Variants in BMP6 observed in about 807,000 individuals in gnomAD.
BMP6 encodes VG-1-R.
Under a neutral mutation model 54.1 loss-of-function variants are expected in BMP6, and 17 were observed. The observed-to-expected ratio is 0.31, with a 90% CI of 0.22 to 0.47. The LOEUF is 0.47. Among genes scored for constraint, BMP6 ranks in the 20% least tolerant of loss-of-function variants. The pLI is 1.00. For synonymous variants in BMP6, 328 were observed against 291.2 expected (o/e 1.13, Z -1.28); for missense variants, 720 against 690.4 (o/e 1.04, Z -0.48).
At chr6:7,822,897 TTGTGTGTG>T (rs56161444) in intron 1 of BMP6, among the ~76,000 whole-genome samples, 2,169 of 121,320 alleles carry the variant, frequency 0.018, 15 homozygotes, top group Middle Eastern at 0.024. Context: ...TTGGTGCTGG[TTGTGTGTG>T]TGTGTGTGTG....
intron 1 of BMP6, among the ~76,000 whole-genome samples, chr6:7,817,721 A>C (rs1048584038): frequency 2.0e-5 from 3 of 151,932 alleles, no homozygotes; most frequent in African/African-American, 7.3e-5. Flanking sequence ...CTTAAAGTAT[A>C]ATTAAAAAAA....
At chr6:7,785,298 T>C (rs1330699789) in intron 1 of BMP6, among the ~76,000 whole-genome samples, 1 of 152,254 alleles carries the variant, frequency 6.6e-6, no homozygotes, top group South Asian at 2.1e-4. Flanking sequence ...GTAATTAATA[T>C]AGCTGGGAGT....
chr6:7,876,654 G>GA (rs1759622522), intron 4 of BMP6, among the ~76,000 whole-genome samples: 3 of 152,168 alleles, frequency 2.0e-5, no homozygotes, highest in African/African-American at 7.2e-5. Flanking sequence ...AATCTGTTAA[G>GA]TAATCTGTTT....
chr6:7,798,586 A>G (rs1028379947), intron 1 of BMP6, among the ~76,000 whole-genome samples: 1 of 152,122 alleles, frequency 6.6e-6, no homozygotes, highest in Non-Finnish European at 1.5e-5. Context: ...CCTACTTCCA[A>G]TGCCAGTGAC....
intron 2 of BMP6, 116 bp from the exon 3 acceptor site, chr6:7,861,335 T>G (rs1445146261): frequency 7.4e-7 from 1 of 1,351,410 alleles, no homozygotes; most frequent in Non-Finnish European, 1.0e-6. Flanking sequence ...TGCTTGTGCC[T>G]CACAGGTAGA....
At position 7,728,487 on chromosome 6, in the gene BMP6, ACCCAGTCACATCG is replaced by A. The variant is rs372891834; in HGVS notation, c.664+872_664+884del. On this transcript the variant is annotated intron_variant, in intron 1 of 6. Transcript: ENST00000283147. ...CACAAATGTTCTGTGGCAAACCCGGACCCAGTCACATCGCCCTTTCTCCCCCCTCCCACCCCAC... is the reference window on the plus strand; with the variant it reads ...CACAAATGTTCTGTGGCAAACCCGGACCCTTTCTCCCCCCTCCCACCCCAC... 6.3e-3 allele frequency among the ~76,000 whole-genome samples: 960 copies of A among 152,252 alleles called. 8 individuals are homozygous for A. Among genetic ancestry groups the A allele is most frequent in the African/African-American group, 0.022 (921 of 41,536 alleles).
chr6:7,813,661 AAAAAAAAAC>A (rs1758476279), intron 1 of BMP6, among the ~76,000 whole-genome samples: 3 of 145,352 alleles, frequency 2.1e-5, no homozygotes, highest in Admixed American at 6.9e-5. Context: ...AAAAAAAAAA[AAAAAAAAAC>A]CCACCAAACC....
Position 7,727,327 on chromosome 6 carries a change from C to T in BMP6, c.372C>T (p.Pro124=), listed in dbSNP as rs201935310. The T allele has an allele frequency of 6.9e-4, 1,116 of 1,609,184 alleles. 3 individuals are homozygous for T. Among genetic ancestry groups the T allele is most frequent in the Non-Finnish European group, 8.3e-4 (977 of 1,178,604 alleles). The change falls in exon 1 of 7, where the codon CCC becomes CCT. Residue 124 remains proline, a synonymous_variant. Transcript: ENST00000283147. ...AGCAGCAGCTGCCTCGCGGAGAGCC[C>T]CCTCCCGGGCGACTGAAGTCCGCGC... is the stretch of plus-strand genomic sequence containing the variant. ...QQQQQLPRGE[P]PPGRLKSAPL... is the part of the protein sequence containing the mutation.
chr6:7,791,370 C>T (rs1349143683), intron 1 of BMP6, among the ~76,000 whole-genome samples: 1 of 152,164 alleles, frequency 6.6e-6, no homozygotes, highest in Non-Finnish European at 1.5e-5. Flanking sequence ...CTCTCATTGC[C>T]ACATCTTCTT....
chr6:7,771,671 C>A (rs988210179), intron 1 of BMP6, among the ~76,000 whole-genome samples: 3 of 123,406 alleles, frequency 2.4e-5, no homozygotes, highest in Non-Finnish European at 5.5e-5. Context: ...AAGACTTAGG[C>A]AGGGCATGGA....
chr6:7,849,223 G>C (rs577092267), intron 2 of BMP6, among the ~76,000 whole-genome samples: 2 of 152,280 alleles, frequency 1.3e-5, no homozygotes, highest in South Asian at 4.1e-4. Context: ...AGGTAGTGAA[G>C]ATCTGTGTCT....
chr6:7,856,144 A>AAT (rs1759229129), intron 2 of BMP6, among the ~76,000 whole-genome samples: 3 of 149,936 alleles, frequency 2.0e-5, no homozygotes, highest in Non-Finnish European at 4.4e-5. Flanking sequence ...AAAAAAAAAA[A>AAT]TGCAAGTGTA....
chr6:7,779,591 C>T (rs1256015104), intron 1 of BMP6, among the ~76,000 whole-genome samples: 12 of 152,274 alleles, frequency 7.9e-5, no homozygotes, highest in East Asian at 1.9e-4. Flanking sequence ...CTGCCTGCCT[C>T]GGCCTCCCAA....
chr6:7,791,571 C>T (rs187254439), intron 1 of BMP6, among the ~76,000 whole-genome samples: 1 of 152,158 alleles, frequency 6.6e-6, no homozygotes, highest in Non-Finnish European at 1.5e-5. Context: ...GCTGCTGCCC[C>T]TTAACCCAGA....
At chr6:7,864,345 G>A (rs571638689) in intron 4 of BMP6, among the ~76,000 whole-genome samples, 3 of 152,286 alleles carry the variant, frequency 2.0e-5, no homozygotes, top group African/African-American at 7.2e-5. Flanking sequence ...TCTGTAAGAT[G>A]GGGATGATGA....
At chr6:7,806,936 T>G (rs1254801757) in intron 1 of BMP6, among the ~76,000 whole-genome samples, 2 of 152,226 alleles carry the variant, frequency 1.3e-5, no homozygotes, top group Non-Finnish European at 2.9e-5. Flanking sequence ...CCTGTCTTCC[T>G]TTGAAATCAT....
chr6:7,798,069 A>G (rs754711858), intron 1 of BMP6, among the ~76,000 whole-genome samples: 4 of 152,150 alleles, frequency 2.6e-5, no homozygotes, highest in Non-Finnish European at 5.9e-5. Flanking sequence ...TACTCTCTCT[A>G]AGTCTAATCT....
At chr6:7,785,934 T>TA (rs969861833) in intron 1 of BMP6, among the ~76,000 whole-genome samples, 81 of 148,310 alleles carry the variant, frequency 5.5e-4, no homozygotes, top group African/African-American at 8.1e-4. Context: ...GAACCTTTAT[T>TA]AAAAAAAAAA....
intron 2 of BMP6, among the ~76,000 whole-genome samples, chr6:7,850,464 T>C (rs539522545): frequency 6.6e-6 from 1 of 152,296 alleles, no homozygotes; most frequent in Non-Finnish European, 1.5e-5. Flanking sequence ...AACAGGAAGA[T>C]TTCCTCAGGC....
Sources: gnomAD v4.1 joint callset for allele counts (sites outside exome capture counted in the v4.1 genomes callset) on GRCh38, gnomAD v4.1.1 for gene constraint, MANE v1.5 for transcripts, NCBI Gene and HGNC (gene_info 2026-07-23, HGNC 2026-07-21) for gene names.